TRAPPC2: variants seen among roughly 807,000 people sequenced by gnomAD.
TRAPPC2 encodes sedlin.
In TRAPPC2, 4 loss-of-function variants were observed where a neutral mutation model predicts 10.0. The ratio of observed to expected loss-of-function variants is 0.40; its 90% CI spans 0.20 to 0.92. The LOEUF is 0.92. Among genes scored for constraint, TRAPPC2 ranks in the 40% least tolerant of loss-of-function variants. The pLI is 0.35. For synonymous variants in TRAPPC2, 36 were observed against 37.3 expected, an observed-to-expected ratio of 0.97 and a Z score of 0.12; for missense variants, 52 against 108.7, an observed-to-expected ratio of 0.48 and a Z score of 2.32.
intron 2 of TRAPPC2, among the ~76,000 whole-genome samples, chrX:13,731,329 T>C (rs1279567594): frequency 8.9e-6 from 1 of 112,315 alleles, no homozygotes; most frequent in Non-Finnish European, 1.9e-5. Flanking sequence ...TAAATGTTTA[T>C]TTTCAGTCAG....
At chrX:13,718,408 G>C (rs1372114546) in intron 3 of TRAPPC2, among the ~76,000 whole-genome samples, 1 of 112,902 alleles carries the variant, frequency 8.9e-6, no homozygotes, top group East Asian at 2.8e-4. Flanking sequence ...GAAGAATTAG[G>C]AGCAAACTGA....
chrX:13,722,856 G>T (rs1179119662), intron 2 of TRAPPC2, among the ~76,000 whole-genome samples: 1 of 111,442 alleles, frequency 9.0e-6, no homozygotes, highest in East Asian at 2.8e-4. Flanking sequence ...GAGGTCAGGA[G>T]ATCGAGACCA....
intron 2 of TRAPPC2, among the ~76,000 whole-genome samples, chrX:13,724,326 C>T (rs926113748): frequency 1.9e-5 from 2 of 105,468 alleles, no homozygotes; most frequent in African/African-American, 7.0e-5. Context: ...AACATAAAAA[C>T]GGGACCAGAA....
intron 2 of TRAPPC2, chrX:13,722,181 A>G (rs2046422789): frequency 1.1e-5 from 1 of 91,256 alleles, no homozygotes; most frequent in Non-Finnish European, 2.1e-5. Context: ...AGGGCTTCTT[A>G]CTTTCTTCAG....
Position 13,716,581 on chromosome X carries a change from A to G in TRAPPC2, c.191T>C (p.Val64Ala). The G allele has an allele frequency of 8.3e-7, 1 of 1,211,779 alleles. No individual in the cohort carries two copies. Among genetic ancestry groups the G allele is most frequent in the South Asian group, 1.8e-5 (1 of 56,973 alleles). Residue 64 changes from valine (V) to alanine (A), a missense_variant, in exon 4 of 6, where the codon GTG (valine) becomes GCG (alanine). Val to Ala is a moderately conservative substitution (Grantham distance 64, BLOSUM62 0). Transcript: ENST00000380579. ...CACAAACCACTCGTTGAACTTGTCC[A>G]CAGTTTTCAAGTACATGTTGTTCGA... Reference protein sequence around the residue: ...WLSNNMYLKTVDKFNEWFVSA... With the variant: ...WLSNNMYLKTADKFNEWFVSA...
At chrX:13,733,465 T>G (rs1229397692) in intron 2 of TRAPPC2, among the ~76,000 whole-genome samples, 2 of 111,990 alleles carry the variant, frequency 1.8e-5, no homozygotes, top group Admixed American at 1.9e-4. Context: ...CCACTACCCA[T>G]CCTTTAAAAT....
intron 1 of TRAPPC2, 64 bp downstream of exon 1, chrX:13,734,461 G>A (rs967683344): frequency 1.4e-5 from 3 of 221,852 alleles, no homozygotes; most frequent in African/African-American, 5.8e-5. Flanking sequence ...CGTCACGCAG[G>A]GGCTACGAAG....
Position 13,716,611 on chromosome X carries a change from C to T in TRAPPC2, c.161G>A (p.Trp54Ter). 8.3e-7 allele frequency: 1 copy of T among 1,211,230 alleles called. No individual in the cohort carries two copies. The highest frequency in any genetic ancestry group is 1.1e-6 in the Non-Finnish European group (1 of 894,986). Residue 54 changes from tryptophan to a stop codon, truncating the protein, a stop_gained, in exon 4 of 6, where the codon TGG becomes TAG. Coordinates refer to ENST00000380579, the MANE Select transcript of TRAPPC2 (RefSeq NM_001011658.4). LOFTEE classifies it high-confidence loss of function. ...TTTCAAGTACATGTTGTTCGATAGC[C>T]ACATGTTCTCATCTACGAGGTCGAG... is the stretch of plus-strand genomic sequence containing the variant. ...AALDLVDENMWLSNNMYLKTV... is the reference protein window; with the variant it reads ...AALDLVDENM
rs930382940 is a variant in TRAPPC2 at position 13,726,475 on chromosome X, T to C, written c.-19-6493A>G. 2.8e-4 allele frequency among the ~76,000 whole-genome samples: 31 copies of C among 111,950 alleles called. No individual in the cohort carries two copies. The Middle Eastern group carries it at 0.019, about 67-fold the overall frequency. On this transcript the variant is annotated intron_variant, in intron 2 of 5. Transcript: ENST00000380579. ...ATATTCAGCATTCTTAAAAGAATTT[T>C]CAACCCAGAATTTCATATCCAGCCA...
At chrX:13,722,625 A>G (rs1265974407) in intron 2 of TRAPPC2, among the ~76,000 whole-genome samples, 1 of 111,862 alleles carries the variant, frequency 8.9e-6, no homozygotes, top group Non-Finnish European at 1.9e-5. Context: ...AACAGCTGCA[A>G]ACACTTAGCA....
In TRAPPC2 at chrX:13,716,511, C is replaced by T. The variant is rs754823393; in HGVS notation, c.238+23G>A. 2.5e-6 allele frequency: 3 copies of T among 1,210,568 alleles called. No individual in the cohort carries two copies. In the East Asian group the frequency reaches 8.9e-5, roughly 36 times the overall value. On this transcript the variant is annotated intron_variant, in intron 4 of 5. Transcript: ENST00000380579. Reference sequence around the variant, plus strand: ...GTGAGCCCAAACTTTAGTTAGTTACCTTTACTAAGAAGGTAAGGATATGCC... The same window carrying T: ...GTGAGCCCAAACTTTAGTTAGTTACTTTTACTAAGAAGGTAAGGATATGCC...
Position 13,712,594 on chromosome X carries a change from T to G in TRAPPC2, c.*1813A>C, listed in dbSNP as rs2046232167. On this transcript the variant is annotated 3_prime_UTR_variant, in exon 6 of 6. Transcript: ENST00000380579. ...GTACGAGTATCAACAGTTTACTGTC[T>G]GAGGGAAAGGAAATATAAGAATATA... 1 of 112,307 alleles carries G rather than the reference T, an allele frequency of 8.9e-6. No homozygotes were observed. Among genetic ancestry groups the G allele is most frequent in the Non-Finnish European group, 1.9e-5 (1 of 53,296 alleles). The allele number at this position is 112,307 out of a possible 1,213,427, so 9.3% of individuals were successfully genotyped here. A position where few individuals can be genotyped will look rare whatever the true frequency, so the allele number is the denominator to read the frequency against.
intron 2 of TRAPPC2, among the ~76,000 whole-genome samples, chrX:13,725,302 G>A (rs748755450): frequency 2.7e-5 from 3 of 112,716 alleles, no homozygotes; most frequent in Non-Finnish European, 5.6e-5. Flanking sequence ...TCCTCAAGGG[G>A]GTCCCTGACC....
chrX:13,719,916 T>G lies in TRAPPC2; in HGVS notation c.48A>C (p.Pro16=), dbSNP rs780179384. ...CTGGCAAAAACTCCATTTCAAAAACTGGATTATCATGGTGGCCAACAATTA... is the reference window on the plus strand; with the variant it reads ...CTGGCAAAAACTCCATTTCAAAAACGGGATTATCATGGTGGCCAACAATTA... ...YFVIVGHHDN[P]VFEMEFLPAG... The change falls in exon 3 of 6, where the codon CCA becomes CCC. Residue 16 remains proline (P), a synonymous_variant. Coordinates refer to ENST00000380579, the MANE Select transcript of TRAPPC2 (RefSeq NM_001011658.4). 1.7e-6 allele frequency: 2 copies of G among 1,203,272 alleles called. No individual in the cohort carries two copies. Among genetic ancestry groups the G allele is most frequent in the Admixed American group, 4.4e-5 (2 of 45,331 alleles).
At chrX:13,724,400 TAAAA>T (rs772302164) in intron 2 of TRAPPC2, among the ~76,000 whole-genome samples, 1 of 82,313 alleles carries the variant, frequency 1.2e-5, no homozygotes, top group Non-Finnish European at 2.4e-5. Flanking sequence ...AATATATATT[TAAAA>T]AAAAAAAAAA....
At chrX:13,720,892 G>A (rs780390896) in intron 2 of TRAPPC2, 11 of 110,157 alleles carry the variant, frequency 1.0e-4, no homozygotes, top group East Asian at 8.5e-4. Context: ...CAGGCATGGT[G>A]GTATGTGCCT....
intron 2 of TRAPPC2, among the ~76,000 whole-genome samples, chrX:13,725,216 T>TC (rs1356051572): frequency 1.8e-5 from 2 of 112,890 alleles, no homozygotes; most frequent in Admixed American, 1.9e-4. Context: ...GACTTAAACA[T>TC]CCCTGTCTGA....
chrX:13,719,989 A>G lies in TRAPPC2; in HGVS notation c.-19-7T>C. On this transcript the variant is annotated splice_region_variant and splice_polypyrimidine_tract_variant and intron_variant, in intron 2 of 5. Transcript: ENST00000380579. ...GGTCTTCAATATATGGCTCCTAATTAAGTGAAAAATAGTACATATTTTTAG... is the reference window on the plus strand; with the variant it reads ...GGTCTTCAATATATGGCTCCTAATTGAGTGAAAAATAGTACATATTTTTAG... 9.3e-7 allele frequency: 1 copy of G among 1,071,746 alleles called. No homozygotes were observed. 88.3% of individuals were successfully genotyped at this position (1,071,746 alleles called of 1,213,427 possible).
At chrX:13,721,552 C>G (rs1237680776) in intron 2 of TRAPPC2, 1 of 111,894 alleles carries the variant, frequency 8.9e-6, no homozygotes, top group African/African-American at 3.3e-5. Flanking sequence ...GTGTTAGAAG[C>G]CAAGACTTAG....
Sources: allele counts gnomAD v4.1 joint callset (sites outside exome capture counted in the v4.1 genomes callset), GRCh38; gene constraint gnomAD v4.1.1; transcripts MANE v1.5; gene names NCBI Gene and HGNC (gene_info 2026-07-23, HGNC 2026-07-21).